NDC1: variants seen among roughly 807,000 people sequenced by gnomAD.
NDC1 encodes the protein NDC1 transmembrane nucleoporin, also known as nucleoporin NDC1.
Under a neutral mutation model 89.8 loss-of-function variants are expected in NDC1, and 24 were observed. The observed-to-expected ratio is 0.27, with a 90% CI of 0.19 to 0.38. NDC1 has a LOEUF of 0.38. NDC1 is among the 10% of genes least tolerant of loss of function. The probability of loss-of-function intolerance (pLI) is 1.00; values close to 1 mark genes in which losing one functional copy is unlikely to be tolerated. For synonymous variants in NDC1, 296 were observed against 284.8 expected (o/e 1.04, Z -0.39); for missense variants, 728 against 797.6 (o/e 0.91, Z 1.05).
chr1:53,803,492 TCAATA>T (rs1310010664), intron 10 of NDC1, among the ~76,000 whole-genome samples: 4 of 152,230 alleles, frequency 2.6e-5, no homozygotes, highest in African/African-American at 9.6e-5. Context: ...AAGATTTAAT[TCAATA>T]CTTCATTTAA....
chr1:53,782,005 A>G (rs539255891), intron 16 of NDC1, among the ~76,000 whole-genome samples: 1 of 152,306 alleles, frequency 6.6e-6, no homozygotes, highest in South Asian at 2.1e-4. Flanking sequence ...CAAAGTCCCC[A>G]CCTCTACTCT....
intron 13 of NDC1, 86 bp downstream of exon 13, chr1:53,796,603 C>A: frequency 4.5e-4 from 230 of 510,622 alleles, no homozygotes; most frequent in Middle Eastern, 1.2e-3. Flanking sequence ...AAAAAAGCTT[C>A]TTATTCCTGA....
At chr1:53,830,014 G>A (rs1362390708) in intron 3 of NDC1, among the ~76,000 whole-genome samples, 1 of 152,022 alleles carries the variant, frequency 6.6e-6, no homozygotes, top group Non-Finnish European at 1.5e-5. Context: ...AGACGGGCGA[G>A]GTGGCAGGCA....
intron 17 of NDC1, chr1:53,771,103 T>TC: frequency 5.3e-6 from 1 of 188,616 alleles, no homozygotes; most frequent in Non-Finnish European, 1.2e-5. Context: ...GAATACAATG[T>TC]CCCCCCTGCC....
intron 16 of NDC1, among the ~76,000 whole-genome samples, chr1:53,785,317 T>C (rs901002012): frequency 1.3e-5 from 2 of 152,236 alleles, no homozygotes; most frequent in Non-Finnish European, 2.9e-5. Flanking sequence ...CATCCTATTG[T>C]GCAGTCAGAT....
At chr1:53,793,006 T>C (rs985911606) in intron 14 of NDC1, among the ~76,000 whole-genome samples, 2 of 152,152 alleles carry the variant, frequency 1.3e-5, no homozygotes, top group African/African-American at 4.8e-5. Context: ...AGCCAAGAGA[T>C]ACGAGAGGCA....
At chr1:53,799,599 T>G (rs1411275337) in intron 11 of NDC1, among the ~76,000 whole-genome samples, 3 of 152,182 alleles carry the variant, frequency 2.0e-5, no homozygotes, top group Admixed American at 6.5e-5. Context: ...CCTCAAAATT[T>G]GTTTAGATTT....
At chr1:53,824,567 T>C (rs944346620) in intron 5 of NDC1, among the ~76,000 whole-genome samples, 4 of 152,200 alleles carry the variant, frequency 2.6e-5, no homozygotes, top group Non-Finnish European at 5.9e-5. Context: ...AGGGCATGAA[T>C]GAAGCAAGTA....
chr1:53,784,167 T>C (rs952184870), intron 16 of NDC1, among the ~76,000 whole-genome samples: 1 of 151,958 alleles, frequency 6.6e-6, no homozygotes, highest in Non-Finnish European at 1.5e-5. Flanking sequence ...AATATTAAAA[T>C]GCACTACACA....
intron 2 of NDC1, among the ~76,000 whole-genome samples, chr1:53,834,608 T>C (rs976139071): frequency 2.0e-5 from 3 of 152,188 alleles, no homozygotes; most frequent in Non-Finnish European, 4.4e-5. Flanking sequence ...GCTGGGTGTC[T>C]CTGCATGGAT....
chr1:53,795,565 C>G (rs1356879309), intron 13 of NDC1, among the ~76,000 whole-genome samples: 1 of 152,090 alleles, frequency 6.6e-6, no homozygotes, highest in Non-Finnish European at 1.5e-5. Context: ...ATCTTCAGGC[C>G]AAAAACCTTA....
Position 53,807,762 on chromosome 1 carries a change from C to A in NDC1, c.785G>T (p.Ser262Ile). ...EQVHRPLDTVSGLLNLSLLYH... is the reference protein window; with the variant it reads ...EQVHRPLDTVIGLLNLSLLYH... ...GAGTAACGAGAGATTTAAGAGGCCA[C>A]TCACTGTGTCAAGTGGCCTATGAAC... The change falls in exon 8 of 18, where the codon AGT becomes ATT. Residue 262 changes from serine (S) to isoleucine (I), a missense_variant. Ser to Ile is a moderately radical substitution (Grantham distance 142). Coordinates refer to ENST00000371429, the MANE Select transcript of NDC1 (RefSeq NM_018087.5). 6.2e-7 allele frequency: 1 copy of A among 1,613,208 alleles called. No individual in the cohort carries two copies. The highest frequency in any genetic ancestry group is 8.5e-7 in the Non-Finnish European group (1 of 1,179,744).
chr1:53,813,703 G>A (rs56310909), intron 6 of NDC1, among the ~76,000 whole-genome samples: 1,882 of 151,998 alleles, frequency 0.012, 43 homozygotes, highest in African/African-American at 0.041. Flanking sequence ...ATCCACTGAC[G>A]ACACTAGATA....
At chr1:53,783,766 T>C (rs1647242110) in intron 16 of NDC1, among the ~76,000 whole-genome samples, 1 of 152,204 alleles carries the variant, frequency 6.6e-6, no homozygotes, top group South Asian at 2.1e-4. Flanking sequence ...CCTTCTGCCA[T>C]GTTATGATTC....
Position 53,828,893 on chromosome 1 carries a change from C to T in NDC1, c.281-720G>A, listed in dbSNP as rs148609429. Among the ~76,000 whole-genome samples, 578 of 152,152 alleles carry T rather than the reference C, an allele frequency of 3.8e-3. 3 individuals carry two copies. Among genetic ancestry groups the T allele is most frequent in the African/African-American group, 0.013 (550 of 41,490 alleles). On this transcript the variant is annotated intron_variant, in intron 3 of 17. Coordinates refer to ENST00000371429, the MANE Select transcript of NDC1 (RefSeq NM_018087.5). ...TCCCAAAGTGTTGGGATTACAGGCA[C>T]GAGCCACCATGCCTGGCCTACTTTT... is the stretch of plus-strand genomic sequence containing the variant.
chr1:53,813,865 C>T (rs1648392986), intron 6 of NDC1, among the ~76,000 whole-genome samples: 1 of 152,126 alleles, frequency 6.6e-6, no homozygotes, highest in South Asian at 2.1e-4. Context: ...CAAGATAGAC[C>T]ATATGATAGG....
intron 16 of NDC1, among the ~76,000 whole-genome samples, chr1:53,781,041 A>G (rs1254915631): frequency 1.3e-5 from 2 of 151,970 alleles, no homozygotes; most frequent in East Asian, 3.9e-4. Flanking sequence ...TTTTTTTTAT[A>G]GACACTGTCT....
intron 16 of NDC1, among the ~76,000 whole-genome samples, chr1:53,773,300 A>C (rs2100618762): frequency 6.6e-6 from 1 of 152,304 alleles, no homozygotes; most frequent in South Asian, 2.1e-4. Flanking sequence ...TGAAAACAAA[A>C]ATAATTAAAA....
chr1:53,821,352 G>A (rs977723597), intron 5 of NDC1, among the ~76,000 whole-genome samples: 3 of 152,142 alleles, frequency 2.0e-5, no homozygotes, highest in Non-Finnish European at 2.9e-5. Context: ...GCTGAGCTGG[G>A]AGGACTGCTT....
Sources: gnomAD v4.1 joint callset for allele counts (sites outside exome capture counted in the v4.1 genomes callset) on GRCh38, gnomAD v4.1.1 for gene constraint, MANE v1.5 for transcripts, NCBI Gene and HGNC (gene_info 2026-07-23, HGNC 2026-07-21) for gene names.